The following NFASC variants were observed in gnomAD, a reference collection of about 807,000 sequenced individuals.
NFASC encodes the protein neurofascin homolog.
A neutral mutation model predicts 147.5 loss-of-function variants in NFASC; 43 were observed. The ratio of observed to expected loss-of-function variants is 0.29; its 90% CI spans 0.23 to 0.38. The LOEUF is 0.38. NFASC is among the 10% of genes least tolerant of loss of function. NFASC has a pLI of 1.00. For synonymous variants in NFASC, 622 were observed against 665.5 expected (o/e 0.93, Z 1.01); for missense variants, 1,320 against 1,689.0 (o/e 0.78, Z 3.83).
At chr1:204,924,356 C>A (rs889594830) in intron 2 of NFASC, among the ~76,000 whole-genome samples, 4 of 152,228 alleles carry the variant, frequency 2.6e-5, no homozygotes, top group Non-Finnish European at 1.5e-5. Context: ...CCTCTCTATG[C>A]TCCCGCTTAT....
intron 1 of NFASC, among the ~76,000 whole-genome samples, chr1:204,829,262 C>T (rs1368643406): frequency 1.3e-5 from 2 of 150,706 alleles, no homozygotes; most frequent in African/African-American, 4.9e-5. Flanking sequence ...TCTCCATTTG[C>T]TCCCTCAGTT....
chr1:204,993,225 C>T (rs1011127651), intron 24 of NFASC, among the ~76,000 whole-genome samples: 1 of 152,222 alleles, frequency 6.6e-6, no homozygotes, highest in Non-Finnish European at 1.5e-5. Context: ...GATAATCCCT[C>T]TCATCCACCT....
chr1:204,877,336 A>G (rs6661460), intron 1 of NFASC, among the ~76,000 whole-genome samples: 25,825 of 151,528 alleles, frequency 0.17, 3,527 homozygotes, highest in East Asian at 0.69. Flanking sequence ...GGCATCCTAT[A>G]CACAGCGTCT....
chr1:204,980,370 C>A lies in NFASC; in HGVS notation c.2177C>A (p.Pro726His). 1.2e-6 allele frequency: 2 copies of A among 1,612,986 alleles called. No individual in the cohort carries two copies. The highest frequency in any genetic ancestry group is 1.7e-6 in the Non-Finnish European group (2 of 1,179,248). ...PSERYRTSGA[P>H]PESNPGDVKG... ...GAGCCTGTGTCTGTTTGGGTTCCAG[C>A]CCCCGAGTCCAATCCTGGTGACGTG... Residue 726 changes from proline to histidine, a missense_variant and splice_region_variant, in exon 20 of 30, where the codon CCC (proline) becomes CAC (histidine). Pro to His is a moderately conservative substitution (Grantham distance 77). Around this residue, in one of 3 missense-constraint regions of NFASC, gnomAD observed 981 missense variants for 1,289.5 expected, o/e 0.76. Coordinates refer to ENST00000339876, the MANE Select transcript of NFASC (RefSeq NM_001005388.3).
intron 8 of NFASC, among the ~76,000 whole-genome samples, chr1:204,966,910 G>A (rs1309523807): frequency 6.6e-6 from 1 of 152,190 alleles, no homozygotes; most frequent in East Asian, 1.9e-4. Flanking sequence ...CCGAGGGAGA[G>A]AGTTGAGTGC....
intron 1 of NFASC, among the ~76,000 whole-genome samples, chr1:204,841,736 A>T (rs1459416080): frequency 6.6e-6 from 1 of 152,148 alleles, no homozygotes; most frequent in Non-Finnish European, 1.5e-5. Context: ...GCCTTCCCTA[A>T]CCATCTTACT....
chr1:204,840,931 C>A (rs1007506645), intron 1 of NFASC, among the ~76,000 whole-genome samples: 11 of 152,194 alleles, frequency 7.2e-5, no homozygotes, highest in African/African-American at 1.7e-4. Flanking sequence ...TACTAATGCC[C>A]ACTTAATAGG....
intron 2 of NFASC, among the ~76,000 whole-genome samples, chr1:204,921,000 C>T (rs950208308): frequency 1.1e-4 from 16 of 152,138 alleles, no homozygotes; most frequent in Non-Finnish European, 1.9e-4. Flanking sequence ...CCAACATTAG[C>T]GCTGGCATTG....
intron 1 of NFASC, among the ~76,000 whole-genome samples, chr1:204,914,638 A>C (rs1208051965): frequency 1.3e-5 from 2 of 152,228 alleles, no homozygotes; most frequent in African/African-American, 4.8e-5. Context: ...ACCACAAAGG[A>C]GATGCCAATT....
rs562969783 is a variant in NFASC, at chr1:204,837,797, T to A, written c.-200+9015T>A. Among the ~76,000 whole-genome samples the A allele has an allele frequency of 2.7e-5, 4 of 147,580 alleles. No homozygotes were observed. The South Asian group carries it at 8.7e-4, about 32-fold the overall frequency. ...TGATTCTGCCTAGGACTAGGCAGCA[T>A]GTGGGCTTTTTGTCAGTAAAATAGT... is the stretch of plus-strand genomic sequence containing the variant. On this transcript the variant is annotated intron_variant, in intron 1 of 29. Coordinates refer to ENST00000339876, the MANE Select transcript of NFASC (RefSeq NM_001005388.3).
chr1:204,950,505 A>G (rs1020360488), intron 3 of NFASC, 52 bp from the exon 4 acceptor site: 2 of 1,581,822 alleles, frequency 1.3e-6, no homozygotes, highest in Non-Finnish European at 1.7e-6. Flanking sequence ...TTGTGTGCAT[A>G]ACGATGTTCT....
At chr1:204,909,820 A>C (rs2086913516) in intron 1 of NFASC, among the ~76,000 whole-genome samples, 1 of 151,718 alleles carries the variant, frequency 6.6e-6, no homozygotes, top group Non-Finnish European at 1.5e-5. Context: ...TTATTTCAGC[A>C]TCATTTGTCG....
At chr1:204,905,275 C>A (rs1006944512) in intron 1 of NFASC, among the ~76,000 whole-genome samples, 2 of 152,056 alleles carry the variant, frequency 1.3e-5, no homozygotes, top group African/African-American at 4.8e-5. Flanking sequence ...GAGAAACTGA[C>A]CTGCTGTTTT....
At chr1:204,861,117 C>T (rs1182953851) in intron 1 of NFASC, among the ~76,000 whole-genome samples, 1 of 99,852 alleles carries the variant, frequency 1.0e-5, no homozygotes, top group East Asian at 3.5e-4. Context: ...GAGACAAGAT[C>T]TCATTCTGTC....
chr1:204,979,696 G>A lies in NFASC; in HGVS notation c.2176+137G>A, dbSNP rs184301272. 3 of 765,634 alleles carry A rather than the reference G, an allele frequency of 3.9e-6. No individual in the cohort carries two copies. The highest frequency in any genetic ancestry group is 6.9e-6 in the Non-Finnish European group (3 of 437,912). The allele number at this position is 765,634 out of a possible 1,614,324, so 47.4% of individuals were successfully genotyped here. On this transcript the variant is annotated intron_variant, in intron 19 of 29. Transcript: ENST00000339876. This position sits in a 1 kb window ranked among gnomAD's most constrained non-coding sequence, Gnocchi z 6.0. ...CCCGGCCTCATCTGTGAGGCAGAGA[G>A]TAATAATAACACCTACATCACAGAG...
At chr1:204,919,708 A>G (rs2090065499) in intron 1 of NFASC, among the ~76,000 whole-genome samples, 1 of 151,984 alleles carries the variant, frequency 6.6e-6, no homozygotes. Context: ...GGCTCACTAT[A>G]ACCTCTGCCT....
intron 5 of NFASC, among the ~76,000 whole-genome samples, chr1:204,952,778 G>A (rs2094201202): frequency 6.6e-6 from 1 of 152,198 alleles, no homozygotes; most frequent in South Asian, 2.1e-4. Context: ...CCTCAAAGTA[G>A]CATCTACAGA....
At position 205,016,911 on chromosome 1, in the gene NFASC, T is replaced by C. The variant is rs1275353849; in HGVS notation, c.*372T>C. On this transcript the variant is annotated 3_prime_UTR_variant, in exon 30 of 30. Coordinates refer to ENST00000339876, the MANE Select transcript of NFASC (RefSeq NM_001005388.3). This position sits in a 1 kb window ranked among gnomAD's most constrained non-coding sequence, Gnocchi z 5.1. ...GACTTCTCATTGTCTTAATTTCGCTTTGTGCATCTTCCCCTCCAGACCCAA... is the reference window on the plus strand; with the variant it reads ...GACTTCTCATTGTCTTAATTTCGCTCTGTGCATCTTCCCCTCCAGACCCAA... 2.9e-6 allele frequency: 1 copy of C among 350,430 alleles called. No homozygotes were observed. Among genetic ancestry groups the C allele is most frequent in the Non-Finnish European group, 5.6e-6 (1 of 178,352 alleles). The allele number at this position is 350,430 out of a possible 1,614,324, so 21.7% of individuals were successfully genotyped here.
chr1:204,970,337 C>CT (rs2095188920), intron 10 of NFASC, among the ~76,000 whole-genome samples: 2 of 150,728 alleles, frequency 1.3e-5, no homozygotes, highest in Non-Finnish European at 2.9e-5. Context: ...CCTAACATCC[C>CT]TTTTTTTAAA....
Sources: allele counts gnomAD v4.1 joint callset (sites outside exome capture counted in the v4.1 genomes callset), GRCh38; gene constraint gnomAD v4.1.1; regional missense constraint gnomAD v4.1.1; non-coding constraint Gnocchi (gnomAD v3.1); transcripts MANE v1.5; gene names NCBI Gene and HGNC (gene_info 2026-07-23, HGNC 2026-07-21).